The following NBEA variants were observed in gnomAD, a reference collection of about 807,000 sequenced individuals.
The protein encoded by NBEA is neurobeachin.
A neutral mutation model predicts 343.4 loss-of-function variants in NBEA; 44 were observed. That is an observed-to-expected ratio of 0.13 (90% CI 0.10 to 0.16). The LOEUF is 0.16. NBEA is among the 10% of genes least tolerant of loss of function. NBEA has a pLI of 1.00. For synonymous variants in NBEA, 1,175 were observed against 1,238.7 expected (o/e 0.95, Z 1.08); for missense variants, 2,555 against 3,631.3 (o/e 0.70, Z 7.62).
intron 10 of NBEA, among the ~76,000 whole-genome samples, chr13:35,085,328 T>C (rs1257100079): frequency 4.0e-5 from 6 of 151,888 alleles, no homozygotes; most frequent in African/African-American, 1.5e-4. Flanking sequence ...GATGCAAAAA[T>C]CCTCAATAAA....
At chr13:35,251,527 A>C in intron 34 of NBEA, 1 of 1,136,350 alleles carries the variant, frequency 8.8e-7, no homozygotes, top group African/African-American at 1.6e-5. Context: ...CTCTGGGCTC[A>C]TCCTGGACGT....
At chr13:35,444,817 A>C (rs1441663157) in intron 39 of NBEA, among the ~76,000 whole-genome samples, 1 of 152,128 alleles carries the variant, frequency 6.6e-6, no homozygotes, top group Non-Finnish European at 1.5e-5. Context: ...TCAGAAGTAC[A>C]TGTCAAATAC....
intron 33 of NBEA, among the ~76,000 whole-genome samples, chr13:35,226,081 G>A (rs1034473552): frequency 9.9e-5 from 15 of 151,992 alleles, no homozygotes; most frequent in Non-Finnish European, 1.8e-4. Flanking sequence ...GCTTTACTGG[G>A]GAATATTCTT....
chr13:35,387,851 A>G (rs559570774), intron 38 of NBEA, among the ~76,000 whole-genome samples: 1 of 152,284 alleles, frequency 6.6e-6, no homozygotes, highest in Non-Finnish European at 1.5e-5. Context: ...CTGGCTCAGC[A>G]TAATTACTTT....
At chr13:35,198,600 A>G (rs891049748) in intron 31 of NBEA, among the ~76,000 whole-genome samples, 12 of 152,184 alleles carry the variant, frequency 7.9e-5, no homozygotes, top group Non-Finnish European at 1.5e-5. Flanking sequence ...TACAAAATGC[A>G]GTAGGAGTGG....
chr13:34,951,050 C>A (rs1028061296), intron 1 of NBEA, among the ~76,000 whole-genome samples: 1 of 152,082 alleles, frequency 6.6e-6, no homozygotes, highest in African/African-American at 2.4e-5. Flanking sequence ...TCTTTCTGGG[C>A]TCGTAAACTG....
intron 38 of NBEA, among the ~76,000 whole-genome samples, chr13:35,418,043 T>C (rs1282460825): frequency 2.0e-5 from 3 of 152,196 alleles, no homozygotes; most frequent in Non-Finnish European, 4.4e-5. Context: ...GTCTGTTTTA[T>C]CAGAGACTAG....
At chr13:35,243,835 A>C (rs1430686825) in intron 34 of NBEA, among the ~76,000 whole-genome samples, 1 of 151,946 alleles carries the variant, frequency 6.6e-6, no homozygotes, top group Non-Finnish European at 1.5e-5. Context: ...AGTAATGGAT[A>C]AAGCAACCAG....
chr13:35,052,176 A>G (rs186823141), intron 6 of NBEA, among the ~76,000 whole-genome samples: 4 of 152,112 alleles, frequency 2.6e-5, no homozygotes, highest in Non-Finnish European at 5.9e-5. Context: ...TCATTATTCA[A>G]AATAAATTCA....
chr13:35,182,288 C>T, intron 28 of NBEA, 72 bp from the exon 29 acceptor site: 1 of 1,329,026 alleles, frequency 7.5e-7, no homozygotes, highest in Non-Finnish European at 1.0e-6. Context: ...AATAAAATAG[C>T]AGTTTCTAGT....
At chr13:34,994,305 A>G (rs2060867449) in intron 1 of NBEA, among the ~76,000 whole-genome samples, 1 of 151,876 alleles carries the variant, frequency 6.6e-6, no homozygotes, top group African/African-American at 2.4e-5. Context: ...GCCTTACATT[A>G]ATTTTAATTA....
rs57385775 is a variant in NBEA at position 35,484,781 on chromosome 13, A to T, written c.6585+12245A>T. ...CTGCATGTATTTGCATAGATTTTAC[A>T]TTAACACAAAAATTAGTTTTATTTG... On this transcript the variant is annotated intron_variant, in intron 41 of 58. Coordinates refer to ENST00000379939, the MANE Select transcript of NBEA (RefSeq NM_001385012.1). 3.4e-3 allele frequency among the ~76,000 whole-genome samples: 511 copies of T among 152,218 alleles called. 10 individuals carry two copies. In the South Asian group the frequency reaches 0.052, roughly 15 times the overall value.
intron 31 of NBEA, among the ~76,000 whole-genome samples, chr13:35,202,827 T>C (rs1175023100): frequency 6.6e-6 from 1 of 152,164 alleles, no homozygotes; most frequent in East Asian, 1.9e-4. Flanking sequence ...AGAAAGCTGC[T>C]CCAACCATAT....
intron 7 of NBEA, among the ~76,000 whole-genome samples, chr13:35,056,436 A>G (rs778338128): frequency 2.1e-4 from 32 of 152,178 alleles, no homozygotes; most frequent in Admixed American, 3.9e-4. Context: ...TTATTTAGAT[A>G]TGGAAAGAAG....
intron 41 of NBEA, among the ~76,000 whole-genome samples, chr13:35,538,425 T>C (rs549610866): frequency 6.6e-6 from 1 of 152,352 alleles, no homozygotes; most frequent in South Asian, 2.1e-4. Flanking sequence ...ACTGAATTTA[T>C]ACGCTACTGA....
In NBEA at chr13:35,219,060, GT is replaced by G. The variant is rs770653770; in HGVS notation, c.5648+7886del. ...TTTTTTCTGGTGTCAGCTTTGTTAG[GT>G]TTTTGCTGGCATAAAGCTTTTCATA... is the stretch of plus-strand genomic sequence containing the variant. On this transcript the variant is annotated intron_variant, in intron 33 of 58. Coordinates refer to ENST00000379939, the MANE Select transcript of NBEA (RefSeq NM_001385012.1). Among the ~76,000 whole-genome samples, 77 of 152,034 alleles carry G rather than the reference GT, an allele frequency of 5.1e-4. 1 individual carries two copies. The highest frequency in any genetic ancestry group is 2.2e-3 in the Admixed American group (33 of 15,256).
intron 55 of NBEA, among the ~76,000 whole-genome samples, chr13:35,658,996 G>T (rs1391643000): frequency 6.6e-6 from 1 of 152,174 alleles, no homozygotes; most frequent in Non-Finnish European, 1.5e-5. Flanking sequence ...CAATGTGAAA[G>T]AGATTTTCTT....
chr13:35,615,287 CAA>C (rs35687768), intron 48 of NBEA, among the ~76,000 whole-genome samples: 45 of 116,806 alleles, frequency 3.9e-4, no homozygotes, highest in African/African-American at 4.7e-4. Context: ...GACCCTGTCT[CAA>C]AAAAAAAAAA....
At chr13:35,356,829 G>C (rs1157660484) in intron 38 of NBEA, among the ~76,000 whole-genome samples, 2 of 152,008 alleles carry the variant, frequency 1.3e-5, no homozygotes. Flanking sequence ...CCTTTTGTAT[G>C]CTGTTCCTTC....
Sources: gnomAD v4.1 joint callset for allele counts (sites outside exome capture counted in the v4.1 genomes callset) on GRCh38, gnomAD v4.1.1 for gene constraint, MANE v1.5 for transcripts, NCBI Gene and HGNC (gene_info 2026-07-23, HGNC 2026-07-21) for gene names.